The following LINGO2 variants were observed in gnomAD, a reference collection of about 807,000 sequenced individuals.
The protein encoded by LINGO2 is leucine rich repeat and Ig domain containing 2, also known as leucine-rich repeat and immunoglobulin-like domain-containing nogo receptor-interacting protein 2.
LINGO2 carries 14 observed loss-of-function variants against 30.6 expected under a neutral mutation model. The observed-to-expected ratio is 0.46, with a 90% confidence interval of 0.30 to 0.72. The LOEUF (loss-of-function observed/expected upper bound fraction) is 0.72. Among genes scored for constraint, LINGO2 ranks in the 30% least tolerant of loss-of-function variants. LINGO2 has a pLI of 0.07. For synonymous variants in LINGO2, 317 were observed against 288.5 expected, an observed-to-expected ratio of 1.10 and a Z score of -1.00; for missense variants, 729 against 751.7, an observed-to-expected ratio of 0.97 and a Z score of 0.35.
chr9:28,411,655 A>T (rs1822768861), intron 2 of LINGO2, among the ~76,000 whole-genome samples: 1 of 152,104 alleles, frequency 6.6e-6, no homozygotes, highest in African/African-American at 2.4e-5. Flanking sequence ...CATTTTGCTT[A>T]TCCATTCATC....
intron 4 of LINGO2, among the ~76,000 whole-genome samples, chr9:28,204,271 CTTATT>C (rs1820337458): frequency 6.6e-6 from 1 of 152,062 alleles, no homozygotes; most frequent in African/African-American, 2.4e-5. Context: ...CAAACACTAT[CTTATT>C]TTATTATACG....
At chr9:28,832,649 C>T in the LINGO2 span, among the ~76,000 whole-genome samples, 1 of 152,062 alleles carries the variant, frequency 6.6e-6, no homozygotes. Flanking sequence ...TATTACTCAA[C>T]ATAAAAGAGT....
chr9:29,084,646 T>C, the LINGO2 span, among the ~76,000 whole-genome samples: 2 of 152,028 alleles, frequency 1.3e-5, no homozygotes, highest in South Asian at 4.1e-4. Context: ...CTCCTTTACA[T>C]CTCATACTAA....
At chr9:29,010,975 T>C in the LINGO2 span, among the ~76,000 whole-genome samples, 1 of 152,180 alleles carries the variant, frequency 6.6e-6, no homozygotes, top group Non-Finnish European at 1.5e-5. Flanking sequence ...ATTTAGTAAT[T>C]GTGTGGCAAT....
chr9:28,713,144 G>A, the LINGO2 span, among the ~76,000 whole-genome samples: 1 of 152,156 alleles, frequency 6.6e-6, no homozygotes, highest in African/African-American at 2.4e-5. Context: ...GATTACAGGT[G>A]TAAGCCACTG....
the LINGO2 span, among the ~76,000 whole-genome samples, chr9:28,871,545 T>C: frequency 6.6e-6 from 1 of 151,854 alleles, no homozygotes; most frequent in Non-Finnish European, 1.5e-5. Context: ...AATAAGAAAA[T>C]GAACTATATA....
chr9:28,906,318 G>A, the LINGO2 span, among the ~76,000 whole-genome samples: 28 of 151,508 alleles, frequency 1.8e-4, no homozygotes, highest in Middle Eastern at 3.4e-3. Flanking sequence ...ACTACAAAAA[G>A]TAAGTATGTG....
the LINGO2 span, among the ~76,000 whole-genome samples, chr9:28,988,028 T>A: frequency 6.6e-6 from 1 of 152,210 alleles, no homozygotes; most frequent in Admixed American, 6.5e-5. Context: ...AACTGTTTTA[T>A]GCAGGTCTGC....
rs565947336 is a variant in LINGO2, at chr9:28,381,121, T to G, written c.-278-8253A>C. ...GGATCCTTGACAATGACTATTGCTA[T>G]ACAGAATGGGGTTTGGGTTCAGGGA... On this transcript the variant is annotated intron_variant, in intron 2 of 5. Transcript: ENST00000379992. 2.0e-5 allele frequency among the ~76,000 whole-genome samples: 3 copies of G among 152,178 alleles called. No individual in the cohort carries two copies. In the East Asian group the frequency reaches 5.8e-4, roughly 29 times the overall value.
At chr9:27,982,418 AAC>A (rs1820924573) in intron 5 of LINGO2, among the ~76,000 whole-genome samples, 1 of 151,870 alleles carries the variant, frequency 6.6e-6, no homozygotes, top group South Asian at 2.1e-4. Flanking sequence ...CATACATATA[AAC>A]ACATACACAT....
chr9:28,632,871 TATATATATGTAGAGAGAGAG>T lies in LINGO2; in HGVS notation c.-365+37309_-365+37328del, dbSNP rs1563879121. ...TATATATTTTTTATATATATATATA[TATATATATGTAGAGAGAGAG>T]AGAGAGAGAGAGAGAGAGAGAGGAG... On this transcript the variant is annotated intron_variant, in intron 1 of 5. Transcript: ENST00000379992. Among the ~76,000 whole-genome samples, 566 of 107,620 alleles carry T rather than the reference TATATATATGTAGAGAGAGAG, an allele frequency of 5.3e-3. 12 individuals are homozygous for T. Among genetic ancestry groups the T allele is most frequent in the Admixed American group, 0.026 (222 of 8,702 alleles). 70.6% of individuals were successfully genotyped at this position (107,620 alleles called of 152,430 possible). A position where few individuals can be genotyped will look rare whatever the true frequency, so the allele number is the denominator to read the frequency against.
chr9:28,201,076 TTC>T (rs1379822214), intron 4 of LINGO2, among the ~76,000 whole-genome samples: 1 of 149,548 alleles, frequency 6.7e-6, no homozygotes, highest in East Asian at 2.1e-4. Context: ...GATATCTTTT[TTC>T]TTTTTTTTTT....
At chr9:29,144,490 T>C in the LINGO2 span, among the ~76,000 whole-genome samples, 35,684 of 151,802 alleles carry the variant, frequency 0.24, 4,328 homozygotes, top group East Asian at 0.41. Context: ...ATATTAGAGA[T>C]GTGTAGTTTA....
chr9:27,985,578 T>C (rs921099979), intron 5 of LINGO2, among the ~76,000 whole-genome samples: 1 of 134,164 alleles, frequency 7.5e-6, no homozygotes, highest in African/African-American at 3.3e-5. Context: ...TTGACATTAA[T>C]TAGCAAAACA....
intron 4 of LINGO2, among the ~76,000 whole-genome samples, chr9:28,076,198 A>C (rs1825618100): frequency 6.6e-6 from 1 of 152,116 alleles, no homozygotes; most frequent in African/African-American, 2.4e-5. Flanking sequence ...GCTCTTCTAA[A>C]TACTATCTTA....
intron 4 of LINGO2, among the ~76,000 whole-genome samples, chr9:28,224,245 T>C (rs926733121): frequency 1.3e-5 from 2 of 152,134 alleles, no homozygotes; most frequent in Non-Finnish European, 2.9e-5. Context: ...TTTCTATTTT[T>C]AGTAGAGACG....
chr9:28,285,769 A>C (rs1823485922), intron 4 of LINGO2, among the ~76,000 whole-genome samples: 1 of 152,032 alleles, frequency 6.6e-6, no homozygotes, highest in Non-Finnish European at 1.5e-5. Context: ...AAGTCAGATA[A>C]ACTTGATAGT....
At chr9:29,055,637 A>T in the LINGO2 span, among the ~76,000 whole-genome samples, 1 of 151,926 alleles carries the variant, frequency 6.6e-6, no homozygotes, top group African/African-American at 2.4e-5. Flanking sequence ...TTTAGAGGCA[A>T]TTTTTGAGAT....
At chr9:28,215,273 A>T (rs1303703186) in intron 4 of LINGO2, among the ~76,000 whole-genome samples, 1 of 151,862 alleles carries the variant, frequency 6.6e-6, no homozygotes, top group Non-Finnish European at 1.5e-5. Context: ...GAGAGGTCAA[A>T]AGTTTACACT....
Sources: allele counts gnomAD v4.1 joint callset (sites outside exome capture counted in the v4.1 genomes callset), GRCh38; gene constraint gnomAD v4.1.1; transcripts MANE v1.5; gene names NCBI Gene and HGNC (gene_info 2026-07-23, HGNC 2026-07-21).